ZC3H4: variants seen among roughly 807,000 people sequenced by gnomAD.
ZC3H4 encodes the protein zinc finger CCCH-type containing 4, also known as zinc finger CCCH domain-containing protein 4.
ZC3H4 carries 13 observed loss-of-function variants against 108.3 expected under a neutral mutation model. The observed-to-expected ratio is 0.12, with a 90% CI of 0.08 to 0.19. The LOEUF is 0.19. ZC3H4 is among the 10% of genes least tolerant of loss of function. ZC3H4 has a pLI of 1.00. For synonymous variants in ZC3H4, 917 were observed against 749.6 expected (o/e 1.22, Z -3.65); for missense variants, 1,734 against 1,838.8 (o/e 0.94, Z 1.04).
chr19:47,075,632 A>G (rs1175103977), intron 11 of ZC3H4, among the ~76,000 whole-genome samples: 1 of 151,316 alleles, frequency 6.6e-6, no homozygotes, highest in Non-Finnish European at 1.5e-5. Context: ...ACACACACAC[A>G]CTCACACTCC....
At chr19:47,080,611 T>G (rs1464446413) in intron 11 of ZC3H4, among the ~76,000 whole-genome samples, 2 of 151,756 alleles carry the variant, frequency 1.3e-5, no homozygotes, top group African/African-American at 4.8e-5. Context: ...TCCTCCCACC[T>G]CAGCCTCTCG....
intron 2 of ZC3H4, among the ~76,000 whole-genome samples, chr19:47,106,962 T>C (rs1334148171): frequency 2.6e-5 from 4 of 152,212 alleles, no homozygotes; most frequent in Non-Finnish European, 5.9e-5. Context: ...TATGAGATTC[T>C]AGATCCCTGG....
intron 11 of ZC3H4, among the ~76,000 whole-genome samples, chr19:47,074,867 C>T (rs1334854240): frequency 6.6e-6 from 1 of 152,218 alleles, no homozygotes; most frequent in African/African-American, 2.4e-5. Context: ...TGTACTCATT[C>T]CCAGGGCTGA....
In ZC3H4 at chr19:47,071,927, G is replaced by C. The variant is rs1045107056; in HGVS notation, c.1997C>G (p.Pro666Arg). Reference sequence around the variant, plus strand: ...GTAGGGCATCATTGGAGGGCCGCCAGGGCCCATGGGTGGGCCAGGATTCAT... The same window carrying C: ...GTAGGGCATCATTGGAGGGCCGCCACGGCCCATGGGTGGGCCAGGATTCAT... Reference protein sequence around the residue: ...PGMNPGPPMGPGGPPMMPYGP... With the variant: ...PGMNPGPPMGRGGPPMMPYGP... Residue 666 changes from proline to arginine, a missense_variant, in exon 13 of 15, where the codon CCT (proline) becomes CGT (arginine). By Grantham distance (103) the Pro-to-Arg change is moderately radical. Around this residue, in one of 9 missense-constraint regions of ZC3H4, gnomAD observed 540 missense variants for 484.1 expected, o/e 1.12. Coordinates refer to ENST00000253048, the MANE Select transcript of ZC3H4 (RefSeq NM_015168.2). The C allele has an allele frequency of 1.1e-5, 18 of 1,612,556 alleles. No individual in the cohort carries two copies. The highest frequency in any genetic ancestry group is 1.5e-5 in the Non-Finnish European group (18 of 1,179,350).
Position 47,085,417 on chromosome 19 carries a change from G to A in ZC3H4, c.871-3C>T, listed in dbSNP as rs1308626603. 6 of 1,579,796 alleles carry A rather than the reference G, an allele frequency of 3.8e-6. No homozygotes were observed. The East Asian group carries it at 1.3e-4, about 35-fold the overall frequency. On this transcript the variant is annotated splice_region_variant and splice_polypyrimidine_tract_variant and intron_variant, in intron 6 of 14. Transcript: ENST00000253048. ...ATTGGCTCCTCACTCTCTCCATACT[G>A]GAATGCGCAGAGGAGAGGGCAGGAG...
At position 47,112,364 on chromosome 19, in the gene ZC3H4, T is replaced by TTCC. The variant is rs923753655; in HGVS notation, c.161+57_161+59dup. 1.5e-4 allele frequency: 184 copies of TTCC among 1,221,086 alleles called. No individual in the cohort carries two copies. In the African/African-American group the frequency reaches 2.0e-3, roughly 13 times the overall value. 75.6% of individuals were successfully genotyped at this position (1,221,086 alleles called of 1,614,324 possible). On this transcript the variant is annotated intron_variant, in intron 2 of 14. Coordinates refer to ENST00000253048, the MANE Select transcript of ZC3H4 (RefSeq NM_015168.2). ...CGGCCCAACATGGCGGCCGCCCCCC[T>TTCC]TCCTCCTCCTCCTCTTCCTCCCCCC...
At chr19:47,097,948 C>T (rs558684132) in intron 2 of ZC3H4, among the ~76,000 whole-genome samples, 2 of 152,320 alleles carry the variant, frequency 1.3e-5, no homozygotes, top group Non-Finnish European at 2.9e-5. Context: ...AAGCAACCAC[C>T]CTGGGAGACC....
chr19:47,074,686 G>T (rs563171840), intron 11 of ZC3H4, among the ~76,000 whole-genome samples: 1 of 152,302 alleles, frequency 6.6e-6, no homozygotes, highest in East Asian at 1.9e-4. Context: ...TGGAATTTTG[G>T]TCCATGCTGG....
In ZC3H4 at chr19:47,094,431, T is replaced by C; in HGVS notation, c.339A>G (p.Lys113=). 6 of 1,614,184 alleles carry C rather than the reference T, an allele frequency of 3.7e-6. No individual in the cohort carries two copies. The highest frequency in any genetic ancestry group is 2.2e-5 in the South Asian group (2 of 91,084). ...LKRKRKKERE[K]EKRRSKKRRK... Reference sequence around the variant, plus strand: ...TCCTCTTCTTCGACCTCCTTTTCTCTTTCTCCCGCTCTTTCTTCCGTTTCC... The same window carrying C: ...TCCTCTTCTTCGACCTCCTTTTCTCCTTCTCCCGCTCTTTCTTCCGTTTCC... Residue 113 remains lysine, a synonymous_variant, in exon 3 of 15, where the codon AAA becomes AAG. Coordinates refer to ENST00000253048, the MANE Select transcript of ZC3H4 (RefSeq NM_015168.2).
intron 5 of ZC3H4, among the ~76,000 whole-genome samples, chr19:47,088,687 C>T (rs78175266): frequency 0.027 from 4,078 of 152,122 alleles, 153 homozygotes; most frequent in African/African-American, 0.085. Context: ...GATGGGATCT[C>T]GCTGTGTTGC....
chr19:47,109,751 G>A (rs1316470515), intron 2 of ZC3H4, among the ~76,000 whole-genome samples: 1 of 152,030 alleles, frequency 6.6e-6, no homozygotes, highest in Non-Finnish European at 1.5e-5. Context: ...CTTGTAAGAA[G>A]GAAAAAAACA....
chr19:47,095,004 G>A (rs562436617), intron 2 of ZC3H4, among the ~76,000 whole-genome samples: 15 of 152,322 alleles, frequency 9.8e-5, no homozygotes, highest in African/African-American at 3.6e-4. Context: ...CCATAGTCCA[G>A]AAACCCACAC....
chr19:47,071,976 C>T lies in ZC3H4; in HGVS notation c.1948G>A (p.Ala650Thr), dbSNP rs436401. Reference sequence around the variant, plus strand: ...ATGCCAGGGCCCATCGGCATGTCTGCGTGCATGTCTGCGTGCATGTCAGGG... The same window carrying T: ...ATGCCAGGGCCCATCGGCATGTCTGTGTGCATGTCTGCGTGCATGTCAGGG... Reference protein sequence around the residue: ...MHPDMHADMHADMPMGPGMNP... With the variant: ...MHPDMHADMHTDMPMGPGMNP... The change falls in exon 13 of 15, where the codon GCA becomes ACA. Residue 650 changes from alanine (A) to threonine (T), a missense_variant. By Grantham distance (58) the Ala-to-Thr change is moderately conservative (BLOSUM62 0). Around this residue, in one of 9 missense-constraint regions of ZC3H4, gnomAD observed 540 missense variants for 484.1 expected, o/e 1.12. Coordinates refer to ENST00000253048, the MANE Select transcript of ZC3H4 (RefSeq NM_015168.2). 40 of 1,573,948 alleles carry T rather than the reference C, an allele frequency of 2.5e-5. No individual in the cohort carries two copies. Among genetic ancestry groups the T allele is most frequent in the South Asian group, 3.3e-5 (3 of 90,012 alleles).
chr19:47,072,663 C>T lies in ZC3H4; in HGVS notation c.1491G>A (p.Glu497=). ...GGTTGATGCCCTGCTTCTTCAGTTC[C>T]TCCACCTCCTTCTCATCCTCGGCAC... ...EAGAEDEKEV[E]ELKKQGINPL... Residue 497 remains glutamate (E), a synonymous_variant, in exon 12 of 15, where the codon GAG becomes GAA. Transcript: ENST00000253048. This position sits in a 1 kb window ranked among gnomAD's most constrained non-coding sequence, Gnocchi z 5.6. 1 of 1,613,692 alleles carries T rather than the reference C, an allele frequency of 6.2e-7. No individual in the cohort carries two copies. Among genetic ancestry groups the T allele is most frequent in the South Asian group, 1.1e-5 (1 of 91,062 alleles).
At chr19:47,107,077 T>C (rs1369168821) in intron 2 of ZC3H4, among the ~76,000 whole-genome samples, 1 of 152,176 alleles carries the variant, frequency 6.6e-6, no homozygotes, top group African/African-American at 2.4e-5. Flanking sequence ...CCAGACAGTA[T>C]GACCATTTGA....
At position 47,066,138 on chromosome 19, in the gene ZC3H4, C is replaced by T. The variant is rs754244603; in HGVS notation, c.*218G>A. On this transcript the variant is annotated 3_prime_UTR_variant, in exon 15 of 15. Coordinates refer to ENST00000253048, the MANE Select transcript of ZC3H4 (RefSeq NM_015168.2). ...TTTGCTCAGCAGGAGCCCCTGAGCC[C>T]GCCACACTGACCAGAACTTAAGATG... 4.7e-6 allele frequency: 2 copies of T among 424,630 alleles called. No individual in the cohort carries two copies. The highest frequency in any genetic ancestry group is 3.7e-5 in the East Asian group (1 of 27,132). The allele number at this position is 424,630 out of a possible 1,614,324, so 26.3% of individuals were successfully genotyped here.
Position 47,106,620 on chromosome 19 carries a change from G to A in ZC3H4, c.161+5804C>T, listed in dbSNP as rs556658986. On this transcript the variant is annotated intron_variant, in intron 2 of 14. Transcript: ENST00000253048. ...CTTTCCAAGTGCATATTAGTAAGCT[G>A]CAAGCAGCAGCAGCAACCCTTTATC... 6.4e-4 allele frequency among the ~76,000 whole-genome samples: 97 copies of A among 152,350 alleles called. No homozygotes were observed. In the Middle Eastern group the frequency reaches 0.01, roughly 16 times the overall value.
intron 4 of ZC3H4, among the ~76,000 whole-genome samples, 185 bp from the exon 5 acceptor site, chr19:47,090,374 C>T (rs896593804): frequency 2.0e-5 from 3 of 152,078 alleles, no homozygotes; most frequent in African/African-American, 4.8e-5. Flanking sequence ...GGAGTAGCAG[C>T]GGGCCCAAGT....
At chr19:47,099,163 G>C (rs1030909665) in intron 2 of ZC3H4, among the ~76,000 whole-genome samples, 7 of 152,132 alleles carry the variant, frequency 4.6e-5, no homozygotes, top group African/African-American at 1.2e-4. Flanking sequence ...TTCTCTATAA[G>C]AAAGCTACAG....
Sources: allele counts gnomAD v4.1 joint callset (sites outside exome capture counted in the v4.1 genomes callset), GRCh38; gene constraint gnomAD v4.1.1; regional missense constraint gnomAD v4.1.1; non-coding constraint Gnocchi (gnomAD v3.1); transcripts MANE v1.5; gene names NCBI Gene and HGNC (gene_info 2026-07-23, HGNC 2026-07-21).